CLEC16A: variants seen among roughly 807,000 people sequenced by gnomAD.
CLEC16A encodes protein CLEC16A.
CLEC16A carries 51 observed loss-of-function variants against 109.5 expected under a neutral mutation model. The observed-to-expected ratio is 0.47, with a 90% CI of 0.37 to 0.59. The LOEUF (loss-of-function observed/expected upper bound fraction) is 0.59, where lower values mean the gene tolerates loss of function less well. Among genes scored for constraint, CLEC16A ranks in the 20% least tolerant of loss-of-function variants. CLEC16A has a pLI of 0.00. For missense variants in CLEC16A, 1,339 were observed against 1,394.0 expected (o/e 0.96, Z 0.63); for synonymous variants, 673 against 564.2 (o/e 1.19, Z -2.73).
intron 13 of CLEC16A, among the ~76,000 whole-genome samples, chr16:11,029,443 T>G (rs929657145): frequency 6.8e-6 from 1 of 147,216 alleles, no homozygotes; most frequent in East Asian, 1.9e-4. Context: ...TTTTAACCCC[T>G]TGATCTCCCT....
intron 14 of CLEC16A, chr16:11,041,456 T>C (rs1034218666): frequency 6.6e-6 from 1 of 152,210 alleles, no homozygotes; most frequent in African/African-American, 2.4e-5. Context: ...TCAAACAGTA[T>C]TTTTCTACCT....
chr16:11,103,896 ATG>A (rs2051067449), intron 19 of CLEC16A, among the ~76,000 whole-genome samples: 1 of 152,156 alleles, frequency 6.6e-6, no homozygotes, highest in African/African-American at 2.4e-5. Flanking sequence ...CAACTGGCCT[ATG>A]TCGGAGGAGA....
At chr16:11,116,337 G>C (rs1208863015) in intron 19 of CLEC16A, among the ~76,000 whole-genome samples, 2 of 152,146 alleles carry the variant, frequency 1.3e-5, no homozygotes, top group East Asian at 3.8e-4. Flanking sequence ...AGAGGTTGCA[G>C]TGAGCTGAGA....
chr16:10,986,731 A>ATGTGTGTGTGTGTGTGTGTGTGTGTG (rs59931468), intron 10 of CLEC16A, among the ~76,000 whole-genome samples: 1 of 150,122 alleles, frequency 6.7e-6, no homozygotes, highest in Admixed American at 6.6e-5. Context: ...TTAAGGCTCA[A>ATGTGTGTGTGTGTGTGTGTGTGTGTG]TGTGTGTGTG....
intron 12 of CLEC16A, among the ~76,000 whole-genome samples, chr16:11,021,103 C>T (rs1220974223): frequency 6.6e-6 from 1 of 152,220 alleles, no homozygotes; most frequent in East Asian, 1.9e-4. Flanking sequence ...TCCTCAGCCC[C>T]TAGGGAGGGG....
intron 11 of CLEC16A, among the ~76,000 whole-genome samples, chr16:11,007,095 A>G (rs1319481126): frequency 6.6e-6 from 1 of 152,192 alleles, no homozygotes; most frequent in African/African-American, 2.4e-5. Context: ...CTTAATAAGC[A>G]TATCCTAGGG....
At chr16:11,123,968 G>T in intron 21 of CLEC16A, 22 bp downstream of exon 21, 1 of 1,574,236 alleles carries the variant, frequency 6.4e-7, no homozygotes, top group South Asian at 1.2e-5. Flanking sequence ...GACCCTGGCA[G>T]GGCATCCTCT....
intron 18 of CLEC16A, among the ~76,000 whole-genome samples, chr16:11,058,832 A>G (rs2048339877): frequency 6.6e-6 from 1 of 152,206 alleles, no homozygotes; most frequent in Admixed American, 6.5e-5. Flanking sequence ...TCAAAACCCC[A>G]AGAGGAACAG....
chr16:11,019,413 A>G (rs1334543190), intron 11 of CLEC16A, among the ~76,000 whole-genome samples: 1 of 151,830 alleles, frequency 6.6e-6, no homozygotes, highest in African/African-American at 2.4e-5. Context: ...GCCTTCTGGA[A>G]GTTGTAAGTA....
At chr16:11,081,073 G>A (rs2049686000) in intron 19 of CLEC16A, among the ~76,000 whole-genome samples, 1 of 152,218 alleles carries the variant, frequency 6.6e-6, no homozygotes, top group Admixed American at 6.5e-5. Flanking sequence ...GAAGCCTGGA[G>A]AACTAAGCAG....
intron 22 of CLEC16A, among the ~76,000 whole-genome samples, chr16:11,138,364 G>A (rs1039983116): frequency 6.6e-6 from 1 of 152,230 alleles, no homozygotes. Flanking sequence ...AGCAGGGCCC[G>A]ATAGCAAAGC....
chr16:10,950,164 G>T (rs1360627653), intron 1 of CLEC16A, among the ~76,000 whole-genome samples: 1 of 152,192 alleles, frequency 6.6e-6, no homozygotes, highest in Admixed American at 6.5e-5. Flanking sequence ...TCAGGAAGCT[G>T]GCCGGGGTTC....
chr16:11,132,304 G>A (rs1023415607), intron 22 of CLEC16A, among the ~76,000 whole-genome samples: 20 of 138,298 alleles, frequency 1.4e-4, no homozygotes, highest in Middle Eastern at 4.8e-3. Flanking sequence ...ATAGATTTAC[G>A]TAGTCTGGGT....
rs2041889837 is a variant in CLEC16A at position 10,954,413 on chromosome 16, T to C, written c.81-3369T>C. 6.6e-6 allele frequency among the ~76,000 whole-genome samples: 1 copy of C among 152,176 alleles called. No homozygotes were observed. Among genetic ancestry groups the C allele is most frequent in the African/African-American group, 2.4e-5 (1 of 41,426 alleles). On this transcript the variant is annotated intron_variant, in intron 1 of 23. Transcript: ENST00000409790. The surrounding 1 kb of genome is among the most constrained non-coding windows in gnomAD (Gnocchi z 4.2). The stretch of plus-strand genomic sequence containing the variant: ...CCTATAAGGGCCTTCTGGTAGTTAC[T>C]AGGTCTTTTTCCCCCAGAAATTATT...
At chr16:11,102,253 C>T (rs1051092138) in intron 19 of CLEC16A, among the ~76,000 whole-genome samples, 1 of 152,170 alleles carries the variant, frequency 6.6e-6, no homozygotes, top group Non-Finnish European at 1.5e-5. Context: ...GATAAGATTG[C>T]GTTTCACTTA....
At chr16:10,989,008 G>A (rs901626869) in intron 10 of CLEC16A, among the ~76,000 whole-genome samples, 7 of 152,136 alleles carry the variant, frequency 4.6e-5, no homozygotes, top group African/African-American at 1.2e-4. Flanking sequence ...GACACCATGC[G>A]CCCTTCAGTG....
intron 2 of CLEC16A, among the ~76,000 whole-genome samples, chr16:10,960,032 A>T (rs2042183330): frequency 6.6e-6 from 1 of 152,212 alleles, no homozygotes; most frequent in African/African-American, 2.4e-5. Context: ...AAAGTCCCTA[A>T]GAAAATTTTG....
intron 9 of CLEC16A, among the ~76,000 whole-genome samples, chr16:10,979,807 C>T (rs2043220226): frequency 6.6e-6 from 1 of 152,130 alleles, no homozygotes; most frequent in Non-Finnish European, 1.5e-5. Flanking sequence ...TGAAATGAGT[C>T]TATTGTTAAA....
intron 10 of CLEC16A, among the ~76,000 whole-genome samples, chr16:10,991,789 G>A (rs12149904): frequency 0.14 from 20,791 of 152,248 alleles, 1,397 homozygotes; most frequent in African/African-American, 0.16. Flanking sequence ...GTTTTGCTGC[G>A]GGATGCTTTG....
Sources: allele counts gnomAD v4.1 joint callset (sites outside exome capture counted in the v4.1 genomes callset), GRCh38; gene constraint gnomAD v4.1.1; non-coding constraint Gnocchi (gnomAD v3.1); transcripts MANE v1.5; gene names NCBI Gene and HGNC (gene_info 2026-07-23, HGNC 2026-07-21).